The following TLR8 variants were observed in gnomAD, a reference collection of about 807,000 sequenced individuals.
TLR8 encodes the protein toll like receptor 8.
In TLR8, 5 loss-of-function variants were observed where a neutral mutation model predicts 18.5. The observed-to-expected ratio is 0.27, with a 90% CI of 0.14 to 0.57. TLR8 has a LOEUF of 0.57. TLR8 is among the 20% of genes least tolerant of loss of function. The probability of loss-of-function intolerance (pLI) is 0.92; values close to 1 mark genes in which losing one functional copy is unlikely to be tolerated. For synonymous variants in TLR8, 299 were observed against 300.1 expected (o/e 1.00, Z 0.04); for missense variants, 543 against 769.8 (o/e 0.71, Z 3.49).
At chrX:12,917,702 G>A (rs189916649) in intron 1 of TLR8, among the ~76,000 whole-genome samples, 94 of 112,234 alleles carry the variant, frequency 8.4e-4, no homozygotes, top group Middle Eastern at 9.2e-3. Context: ...AGAAAGTGAG[G>A]CACTCTCCTG....
intron 1 of TLR8, among the ~76,000 whole-genome samples, chrX:12,912,116 T>A (rs1428869443): frequency 8.9e-6 from 1 of 112,224 alleles, no homozygotes; most frequent in Non-Finnish European, 1.9e-5. Context: ...GTATTTTTTT[T>A]TTCCTCTATT....
Position 12,922,527 on chromosome X carries a change from A to G in TLR8, c.*361A>G, listed in dbSNP as rs2043103303. 6.4e-6 allele frequency: 1 copy of G among 155,330 alleles called. No homozygotes were observed. The highest frequency in any genetic ancestry group is 3.1e-5 in the African/African-American group (1 of 32,673). The allele number at this position is 155,330 out of a possible 1,213,427, so 12.8% of individuals were successfully genotyped here. A position where few individuals can be genotyped will look rare whatever the true frequency, so the allele number is the denominator to read the frequency against. ...CTTGCTTCATCAGAGCTAGCAAAAAAGAGAGGTTGCTAGCAAGATGAAGTC... is the reference window on the plus strand; with the variant it reads ...CTTGCTTCATCAGAGCTAGCAAAAAGGAGAGGTTGCTAGCAAGATGAAGTC... On this transcript the variant is annotated 3_prime_UTR_variant, in exon 2 of 2. Coordinates refer to ENST00000218032, the MANE Select transcript of TLR8 (RefSeq NM_138636.5).
chrX:12,910,671 T>C, intron 1 of TLR8, among the ~76,000 whole-genome samples: 1 of 112,271 alleles, frequency 8.9e-6, no homozygotes. Flanking sequence ...GCAGACTTTC[T>C]GACCTGTTCT....
At chrX:12,907,904 T>C (rs920242378) in intron 1 of TLR8, among the ~76,000 whole-genome samples, 1 of 112,038 alleles carries the variant, frequency 8.9e-6, no homozygotes, top group East Asian at 2.8e-4. Flanking sequence ...AATTTTACAA[T>C]GCTTTACAAA....
At chrX:12,914,751 A>C (rs964262345) in intron 1 of TLR8, among the ~76,000 whole-genome samples, 1 of 111,866 alleles carries the variant, frequency 8.9e-6, no homozygotes, top group Non-Finnish European at 1.9e-5. Context: ...TCATGACTGA[A>C]GTTCTGTGCC....
Position 12,921,391 on chromosome X carries a change from G to A in TLR8, c.2351G>A (p.Arg784Gln), listed in dbSNP as rs761742368. 9 of 1,210,372 alleles carry A rather than the reference G, an allele frequency of 7.4e-6. No individual in the cohort carries two copies. In the African/African-American group the frequency reaches 8.7e-5, roughly 12 times the overall value. The change falls in exon 2 of 2, where the codon CGA (arginine) becomes CAA (glutamine). Residue 784 changes from arginine to glutamine, a missense_variant. By Grantham distance (43) the Arg-to-Gln change is conservative. Coordinates refer to ENST00000218032, the MANE Select transcript of TLR8 (RefSeq NM_138636.5). ...FECTCDIGDF[R>Q]RWMDEHLNVK... The stretch of plus-strand genomic sequence containing the variant: ...TGCACCTGTGACATTGGAGATTTCC[G>A]AAGATGGATGGATGAACATCTGAAT...
intron 1 of TLR8, chrX:12,910,367 G>A: frequency 1.7e-6 from 2 of 1,166,913 alleles, no homozygotes; most frequent in Non-Finnish European, 2.3e-6. Flanking sequence ...GACCTTGAAG[G>A]AAGCCTTTGA....
In TLR8 at chrX:12,920,758, T is replaced by C; in HGVS notation, c.1718T>C (p.Val573Ala). Residue 573 changes from valine to alanine, a missense_variant, in exon 2 of 2, where the codon GTA becomes GCA. Coordinates refer to ENST00000218032, the MANE Select transcript of TLR8 (RefSeq NM_138636.5). Reference sequence around the variant, plus strand: ...TCACACTATTTCAGAATAGCAGGCGTAACACATCATCTAGAATTTATTCAA... The same window carrying C: ...TCACACTATTTCAGAATAGCAGGCGCAACACATCATCTAGAATTTATTCAA... ...YNSHYFRIAG[V>A]THHLEFIQNF... 1.7e-6 allele frequency: 2 copies of C among 1,210,216 alleles called. No homozygotes were observed. Among genetic ancestry groups the C allele is most frequent in the Non-Finnish European group, 2.2e-6 (2 of 894,505 alleles).
At chrX:12,914,085 A>G (rs896170331) in intron 1 of TLR8, among the ~76,000 whole-genome samples, 1 of 111,860 alleles carries the variant, frequency 8.9e-6, no homozygotes, top group Non-Finnish European at 1.9e-5. Flanking sequence ...AAAAGCCTAG[A>G]AATAGATCCA....
chrX:12,918,385 A>G (rs2043069861), intron 1 of TLR8, among the ~76,000 whole-genome samples: 1 of 111,864 alleles, frequency 8.9e-6, no homozygotes, highest in African/African-American at 3.3e-5. Flanking sequence ...ATAAATATAT[A>G]GCTTGCAAAG....
intron 1 of TLR8, among the ~76,000 whole-genome samples, chrX:12,918,424 G>T (rs1322859535): frequency 8.9e-6 from 1 of 111,863 alleles, no homozygotes; most frequent in Non-Finnish European, 1.9e-5. Context: ...CCATAGCTGT[G>T]GTCCAGCTTA....
In TLR8 at chrX:12,922,274, A is replaced by T; in HGVS notation, c.*108A>T. ...AAATTATCCCAAAACTTAGTGGTTT[A>T]AAACAACACATTTGCTGGCCCACAG... On this transcript the variant is annotated 3_prime_UTR_variant, in exon 2 of 2. Coordinates refer to ENST00000218032, the MANE Select transcript of TLR8 (RefSeq NM_138636.5). 9.9e-7 allele frequency: 1 copy of T among 1,013,318 alleles called. No individual in the cohort carries two copies. The highest frequency in any genetic ancestry group is 1.9e-5 in the African/African-American group (1 of 52,832). 83.5% of individuals were successfully genotyped at this position (1,013,318 alleles called of 1,213,427 possible).
rs779846666 is a variant in TLR8, at chrX:12,919,457, A to G, written c.417A>G (p.Gln139=). 2 of 1,211,116 alleles carry G rather than the reference A, an allele frequency of 1.7e-6. No individual in the cohort carries two copies. Among genetic ancestry groups the G allele is most frequent in the East Asian group, 3.0e-5 (1 of 33,857 alleles). The change falls in exon 2 of 2, where the codon CAA becomes CAG. Residue 139 remains glutamine (Q), a synonymous_variant. Transcript: ENST00000218032. ...TGCTTGAAGACAACCAGTTACCCCA[A>G]ATACCCTCTGGTTTGCCAGAGTCTT... is the stretch of plus-strand genomic sequence containing the variant. ...ELLLEDNQLP[Q]IPSGLPESLT... is the part of the protein sequence containing the mutation.
At position 12,921,208 on chromosome X, in the gene TLR8, G is replaced by T. The variant is rs1270630225; in HGVS notation, c.2168G>T (p.Arg723Met). The stretch of plus-strand genomic sequence containing the variant: ...CGGACACTGCTGCTGAGTCATAACA[G>T]GATTTCCCACCTACCCTCTGGCTTT... ...SLRTLLLSHN[R>M]ISHLPSGFLS... The change falls in exon 2 of 2, where the codon AGG becomes ATG. Residue 723 changes from arginine to methionine, a missense_variant. By Grantham distance (91) the Arg-to-Met change is moderately conservative. This residue lies in a region of TLR8 where 227 missense variants were observed against 312.9 expected (regional missense o/e 0.73). Coordinates refer to ENST00000218032, the MANE Select transcript of TLR8 (RefSeq NM_138636.5). 1 of 1,211,778 alleles carries T rather than the reference G, an allele frequency of 8.3e-7. No homozygotes were observed. Among genetic ancestry groups the T allele is most frequent in the Admixed American group, 2.2e-5 (1 of 45,999 alleles).
At position 12,922,388 on chromosome X, in the gene TLR8, C is replaced by A; in HGVS notation, c.*222C>A. ...CTGCAATGTAGGTGTTCACCAGAGA[C>A]ATAGGCATCACTGGGGTCACACTCA... On this transcript the variant is annotated 3_prime_UTR_variant, in exon 2 of 2. Transcript: ENST00000218032. The A allele has an allele frequency of 2.5e-6, 1 of 401,139 alleles. No homozygotes were observed. Among genetic ancestry groups the A allele is most frequent in the Non-Finnish European group, 4.3e-6 (1 of 235,102 alleles). 33.1% of individuals were successfully genotyped at this position (401,139 alleles called of 1,213,427 possible). A position where few individuals can be genotyped will look rare whatever the true frequency, so the allele number is the denominator to read the frequency against.
chrX:12,915,164 T>C (rs964020812), intron 1 of TLR8, among the ~76,000 whole-genome samples: 2 of 111,474 alleles, frequency 1.8e-5, no homozygotes, highest in Non-Finnish European at 1.9e-5. Context: ...AAACCTACTC[T>C]GGCCTTTTTT....
rs776572621 is a variant in TLR8 at position 12,920,697 on chromosome X, T to C, written c.1657T>C (p.Leu553=). 6 of 1,211,906 alleles carry C rather than the reference T, an allele frequency of 5.0e-6. No homozygotes were observed. In the Admixed American group the frequency reaches 1.3e-4, roughly 26 times the overall value. Residue 553 remains leucine, a synonymous_variant, in exon 2 of 2, where the codon TTG becomes CTG. Transcript: ENST00000218032. ...DFDNASALTE[L]SDLEVLDLSY... ...TGATAATGCTAGTGCTCTTACTGAATTGTCCGACTTGGAAGTTCTAGATCT... is the reference window on the plus strand; with the variant it reads ...TGATAATGCTAGTGCTCTTACTGAACTGTCCGACTTGGAAGTTCTAGATCT...
chrX:12,908,937 G>A (rs746029082), intron 1 of TLR8, among the ~76,000 whole-genome samples: 3 of 112,135 alleles, frequency 2.7e-5, no homozygotes, highest in Non-Finnish European at 5.6e-5. Flanking sequence ...AGAGAAAGCA[G>A]TCTTATGGAA....
chrX:12,909,715 C>T (rs1011882127), intron 1 of TLR8, among the ~76,000 whole-genome samples: 2 of 111,569 alleles, frequency 1.8e-5, no homozygotes, highest in Non-Finnish European at 3.8e-5. Context: ...TGGCTTCAGC[C>T]CTCCCAATTC....
Sources: gnomAD v4.1 joint callset for allele counts (sites outside exome capture counted in the v4.1 genomes callset) on GRCh38, gnomAD v4.1.1 for gene constraint, gnomAD v4.1.1 regional missense constraint, MANE v1.5 for transcripts, NCBI Gene and HGNC (gene_info 2026-07-23, HGNC 2026-07-21) for gene names.